Variants in TBL1X observed in about 807,000 individuals in gnomAD.
TBL1X encodes the protein F-box-like/WD repeat-containing protein TBL1X.
Under a neutral mutation model 50.7 loss-of-function variants are expected in TBL1X, and 10 were observed. The ratio of observed to expected loss-of-function variants is 0.20; its 90% CI spans 0.12 to 0.33. The LOEUF is 0.33. Ranked by LOEUF, TBL1X falls within the 10% of genes least tolerant of loss-of-function variation. The pLI is 1.00. For synonymous variants in TBL1X, 190 were observed against 214.7 expected, an observed-to-expected ratio of 0.88 and a Z score of 1.01; for missense variants, 340 against 504.4, an observed-to-expected ratio of 0.67 and a Z score of 3.12.
intron 2 of TBL1X, among the ~76,000 whole-genome samples, chrX:9,523,272 C>T (rs1003082511): frequency 8.9e-6 from 1 of 111,886 alleles, no homozygotes; most frequent in African/African-American, 3.3e-5. Flanking sequence ...GAAAGAAGCA[C>T]TCTTCCCAGG....
At chrX:9,588,043 T>C (rs1207427556) in intron 2 of TBL1X, among the ~76,000 whole-genome samples, 2 of 111,913 alleles carry the variant, frequency 1.8e-5, no homozygotes, top group Non-Finnish European at 3.8e-5. Context: ...GAGTTCTGCT[T>C]CTATGAATTC....
At chrX:9,624,592 A>T (rs933235646) in intron 2 of TBL1X, among the ~76,000 whole-genome samples, 1 of 111,705 alleles carries the variant, frequency 9.0e-6, no homozygotes, top group African/African-American at 3.3e-5. Flanking sequence ...ATTAAATTCT[A>T]TTTTTCTTGT....
At position 9,661,776 on chromosome X, in the gene TBL1X, A is replaced by T. The variant is rs143217052; in HGVS notation, c.211+7454A>T. The stretch of plus-strand genomic sequence containing the variant: ...ATGACCCAGCAAGTTCACAGCGGGT[A>T]AGCTGGCGTGGGTCTCGGTTAGAGT... On this transcript the variant is annotated intron_variant, in intron 5 of 17. Coordinates refer to ENST00000645353, the MANE Select transcript of TBL1X (RefSeq NM_005647.4). 3.9e-3 allele frequency among the ~76,000 whole-genome samples: 437 copies of T among 111,384 alleles called. 3 individuals carry two copies. The highest frequency in any genetic ancestry group is 0.014 in the African/African-American group (423 of 30,627).
intron 1 of TBL1X, among the ~76,000 whole-genome samples, chrX:9,477,276 A>G (rs1282678209): frequency 8.9e-6 from 1 of 112,102 alleles, no homozygotes; most frequent in Non-Finnish European, 1.9e-5. Context: ...CTGGATTCGT[A>G]GTTTGCTATC....
rs1268756684 is a variant in TBL1X, at chrX:9,687,476, G to A, written c.358-541G>A. The stretch of plus-strand genomic sequence containing the variant: ...TTTTGCACAGTCGCGATAGCACGTG[G>A]GCAGGTCTTCTCCACCGCAGCACTC... On this transcript the variant is annotated intron_variant, in intron 6 of 17. Coordinates refer to ENST00000645353, the MANE Select transcript of TBL1X (RefSeq NM_005647.4). 3.6e-5 allele frequency among the ~76,000 whole-genome samples: 4 copies of A among 111,005 alleles called. No individual in the cohort carries two copies. The East Asian group carries it at 1.1e-3, about 31-fold the overall frequency.
At chrX:9,642,242 A>G (rs773564986) in intron 3 of TBL1X, among the ~76,000 whole-genome samples, 107 of 111,703 alleles carry the variant, frequency 9.6e-4, no homozygotes, top group African/African-American at 3.4e-3. Context: ...TACCTCAGTC[A>G]TTTATACATG....
intron 17 of TBL1X, among the ~76,000 whole-genome samples, chrX:9,715,706 A>T (rs942243772): frequency 4.5e-5 from 5 of 112,191 alleles, no homozygotes; most frequent in Admixed American, 9.4e-5. Context: ...ATTGTCACCC[A>T]TGCTGTGGCT....
intron 1 of TBL1X, among the ~76,000 whole-genome samples, chrX:9,497,633 C>G (rs1167097282): frequency 9.1e-6 from 1 of 109,594 alleles, no homozygotes; most frequent in Non-Finnish European, 1.9e-5. Context: ...CAAACTTTCT[C>G]TTCATATCTA....
At chrX:9,686,541 T>TA (rs1312120737) in intron 6 of TBL1X, among the ~76,000 whole-genome samples, 1 of 111,281 alleles carries the variant, frequency 9.0e-6, no homozygotes, top group Admixed American at 9.5e-5. Context: ...CTACATAAAA[T>TA]AAAAAAAATT....
At chrX:9,466,385 A>G (rs755785453) in intron 1 of TBL1X, among the ~76,000 whole-genome samples, 8 of 112,564 alleles carry the variant, frequency 7.1e-5, no homozygotes, top group Non-Finnish European at 1.3e-4. Context: ...GTGTTCCGTC[A>G]GACCGGGGCC....
At chrX:9,474,104 G>T (rs986417046) in intron 1 of TBL1X, among the ~76,000 whole-genome samples, 5 of 112,756 alleles carry the variant, frequency 4.4e-5, no homozygotes, top group Non-Finnish European at 9.4e-5. Context: ...TGCACAGCAA[G>T]ATTTATTGGG....
chrX:9,515,359 C>T (rs1206550004), intron 2 of TBL1X, among the ~76,000 whole-genome samples: 1 of 112,010 alleles, frequency 8.9e-6, no homozygotes, highest in Non-Finnish European at 1.9e-5. Flanking sequence ...AATGTAAACT[C>T]ATAATAGACA....
At chrX:9,687,603 T>C (rs1168138694) in intron 6 of TBL1X, among the ~76,000 whole-genome samples, 1 of 110,454 alleles carries the variant, frequency 9.1e-6, no homozygotes, top group Non-Finnish European at 1.9e-5. Context: ...CAGGAGCACC[T>C]CTCCTCCCTT....
chrX:9,693,054 A>C, intron 9 of TBL1X, 95 bp from the exon 10 acceptor site: 1 of 889,005 alleles, frequency 1.1e-6, no homozygotes, highest in Non-Finnish European at 1.6e-6. Context: ...AAATGGTTCC[A>C]GTGTACCTGG....
At chrX:9,603,561 A>G (rs1051487041) in intron 2 of TBL1X, among the ~76,000 whole-genome samples, 5 of 111,786 alleles carry the variant, frequency 4.5e-5, no homozygotes, top group Admixed American at 1.9e-4. Context: ...GAGCTTGGTA[A>G]CCATCTGGAG....
Position 9,654,282 on chromosome X carries a change from C to T in TBL1X, c.171C>T (p.Asp57=), listed in dbSNP as rs374600399. 4.9e-5 allele frequency: 59 copies of T among 1,208,273 alleles called. No homozygotes were observed. Among genetic ancestry groups the T allele is most frequent in the South Asian group, 1.1e-4 (6 of 56,701 alleles). The change falls in exon 5 of 18, where the codon GAC becomes GAT. Residue 57 remains aspartate, a synonymous_variant. Coordinates refer to ENST00000645353, the MANE Select transcript of TBL1X (RefSeq NM_005647.4). ...RGEAKMSITS[D]EVNFLVYRYL... Reference sequence around the variant, plus strand: ...AGGCTAAGATGAGCATAACCAGTGACGAGGTGAACTTTCTGGTGTATCGGT... The same window carrying T: ...AGGCTAAGATGAGCATAACCAGTGATGAGGTGAACTTTCTGGTGTATCGGT...
At chrX:9,491,417 T>G (rs2081944494) in intron 1 of TBL1X, among the ~76,000 whole-genome samples, 2 of 99,090 alleles carry the variant, frequency 2.0e-5, no homozygotes, top group African/African-American at 7.5e-5. Flanking sequence ...CTCGGCTCAC[T>G]GCAGCCTCGA....
At chrX:9,556,536 T>C (rs1471189588) in intron 2 of TBL1X, among the ~76,000 whole-genome samples, 1 of 108,611 alleles carries the variant, frequency 9.2e-6, no homozygotes, top group Non-Finnish European at 1.9e-5. Context: ...ACACCTGTAG[T>C]CCCAGCTACT....
At chrX:9,672,983 C>T (rs772139731) in intron 5 of TBL1X, among the ~76,000 whole-genome samples, 1 of 111,792 alleles carries the variant, frequency 8.9e-6, no homozygotes, top group South Asian at 3.8e-4. Context: ...CTTCCTGGTT[C>T]ATAGATGGCG....
Sources: gnomAD v4.1 joint callset for allele counts (sites outside exome capture counted in the v4.1 genomes callset) on GRCh38, gnomAD v4.1.1 for gene constraint, MANE v1.5 for transcripts, NCBI Gene and HGNC (gene_info 2026-07-23, HGNC 2026-07-21) for gene names.